PDE10A: variants seen among roughly 807,000 people sequenced by gnomAD.
PDE10A encodes cAMP and cAMP-inhibited cGMP 3',5'-cyclic phosphodiesterase 10A.
In PDE10A, 39 loss-of-function variants were observed where a neutral mutation model predicts 97.7. The ratio of observed to expected loss-of-function variants is 0.40; its 90% CI spans 0.31 to 0.52. The LOEUF (loss-of-function observed/expected upper bound fraction) is 0.52, where lower values mean the gene tolerates loss of function less well. Among genes scored for constraint, PDE10A ranks in the 20% least tolerant of loss-of-function variants. PDE10A has a pLI of 0.56. For missense variants in PDE10A, 731 were observed against 1,047.8 expected (o/e 0.70, Z 4.17); for synonymous variants, 371 against 376.8 (o/e 0.98, Z 0.18).
intron 18 of PDE10A, among the ~76,000 whole-genome samples, chr6:165,358,381 G>A (rs1242225011): frequency 2.0e-5 from 3 of 151,846 alleles, no homozygotes; most frequent in Admixed American, 6.6e-5. Flanking sequence ...TTGTTATTAG[G>A]TGCATGTACA....
intron 3 of PDE10A, among the ~76,000 whole-genome samples, chr6:165,480,097 C>T (rs1382066036): frequency 6.6e-6 from 1 of 152,106 alleles, no homozygotes; most frequent in Admixed American, 6.5e-5. Context: ...TATAGTTTGT[C>T]CAAAGACTGT....
At chr6:165,572,257 T>C (rs754572580) in intron 1 of PDE10A, among the ~76,000 whole-genome samples, 3 of 152,232 alleles carry the variant, frequency 2.0e-5, no homozygotes, top group Non-Finnish European at 2.9e-5. Flanking sequence ...CGAAGACGAC[T>C]ACCAAGGTAC....
chr6:165,517,949 T>C (rs542188745), intron 2 of PDE10A, among the ~76,000 whole-genome samples: 2 of 152,366 alleles, frequency 1.3e-5, no homozygotes, highest in East Asian at 1.9e-4. Flanking sequence ...ATCATTCCTA[T>C]GAAGTTGGTT....
At chr6:165,889,589 C>T (rs34862806) in intron 1 of PDE10A, among the ~76,000 whole-genome samples, 8,388 of 152,194 alleles carry the variant, frequency 0.055, 358 homozygotes, top group South Asian at 0.13. Flanking sequence ...TCCAGGCACA[C>T]GTTAGAAAAT....
chr6:165,692,681 T>G (rs1791335132), intron 1 of PDE10A, among the ~76,000 whole-genome samples: 1 of 152,244 alleles, frequency 6.6e-6, no homozygotes, highest in African/African-American at 2.4e-5. Context: ...ACGCATGCTG[T>G]ACACAGACAT....
chr6:165,514,415 G>T (rs1781674426), intron 2 of PDE10A, among the ~76,000 whole-genome samples: 1 of 152,188 alleles, frequency 6.6e-6, no homozygotes, highest in South Asian at 2.1e-4. Flanking sequence ...GGCAGTGTTT[G>T]CTGTGGGAAG....
At chr6:165,969,197 A>G (rs531395029) in intron 1 of PDE10A, among the ~76,000 whole-genome samples, 2 of 152,366 alleles carry the variant, frequency 1.3e-5, no homozygotes, top group South Asian at 4.1e-4. Flanking sequence ...TATGAAGAAC[A>G]AATGTAAGTA....
At chr6:165,539,866 C>T (rs909956866) in intron 2 of PDE10A, among the ~76,000 whole-genome samples, 1 of 152,088 alleles carries the variant, frequency 6.6e-6, no homozygotes, top group African/African-American at 2.4e-5. Flanking sequence ...GCGGAGGTTG[C>T]AGTGAGCCGA....
chr6:165,524,339 G>A (rs1782300338), intron 2 of PDE10A, among the ~76,000 whole-genome samples: 1 of 152,114 alleles, frequency 6.6e-6, no homozygotes, highest in Non-Finnish European at 1.5e-5. Context: ...GGAGTTGGCT[G>A]CTTAATATGA....
chr6:165,907,232 C>A (rs912707422), intron 1 of PDE10A, among the ~76,000 whole-genome samples: 1 of 152,212 alleles, frequency 6.6e-6, no homozygotes, highest in East Asian at 1.9e-4. Flanking sequence ...GCAGGCCTGC[C>A]GCCGTGGTTG....
intron 17 of PDE10A, among the ~76,000 whole-genome samples, chr6:165,387,550 C>G (rs1396857379): frequency 6.6e-6 from 1 of 152,226 alleles, no homozygotes; most frequent in Non-Finnish European, 1.5e-5. Flanking sequence ...CTGGCAGAGT[C>G]ACTGCTGGCA....
In PDE10A at chr6:165,700,719, C is replaced by T. The variant is rs541739318; in HGVS notation, c.-614-157151G>A. On this transcript the variant is annotated intron_variant, in intron 1 of 19. Coordinates refer to the PDE10A transcript ENST00000366882. Reference sequence around the variant, plus strand: ...ACAGAAGTATTGCACCACAAGGCTACCTTCCATTTTTGAATAGCATTTATG... The same window carrying T: ...ACAGAAGTATTGCACCACAAGGCTATCTTCCATTTTTGAATAGCATTTATG... Among the ~76,000 whole-genome samples the T allele has an allele frequency of 2.6e-5, 4 of 152,316 alleles. No individual in the cohort carries two copies. In the South Asian group the frequency reaches 8.3e-4, roughly 32 times the overall value.
intron 2 of PDE10A, among the ~76,000 whole-genome samples, chr6:165,493,446 G>A (rs1002637743): frequency 2.0e-5 from 3 of 152,004 alleles, no homozygotes; most frequent in Non-Finnish European, 2.9e-5. Context: ...ATACTATAAG[G>A]CCAAAGTCCT....
rs1778049408 is a variant in PDE10A at position 165,772,742 on chromosome 6, A to AT, written c.-615+214786dup. ...AAGTGAGGAAAGTTTATGCCCGTTG[A>AT]TTTGGGGGCGGGGTGGGGGAGCAAG... On this transcript the variant is annotated intron_variant, in intron 1 of 19. Transcript: ENST00000366882. Among the ~76,000 whole-genome samples, 4 of 152,068 alleles carry AT rather than the reference A, an allele frequency of 2.6e-5. No homozygotes were observed. The South Asian group carries it at 8.3e-4, about 32-fold the overall frequency.
chr6:165,609,536 G>C (rs567288616), intron 1 of PDE10A, among the ~76,000 whole-genome samples: 1 of 152,108 alleles, frequency 6.6e-6, no homozygotes, highest in South Asian at 2.1e-4. Context: ...AGAAATAAAG[G>C]GTATTCAAGC....
chr6:165,750,052 G>C (rs1221372855), intron 1 of PDE10A, among the ~76,000 whole-genome samples: 1 of 152,116 alleles, frequency 6.6e-6, no homozygotes, highest in Non-Finnish European at 1.5e-5. Context: ...TTGAACAGGG[G>C]GTATGTGAGG....
At chr6:165,778,068 T>G (rs977541824) in intron 1 of PDE10A, among the ~76,000 whole-genome samples, 1 of 152,172 alleles carries the variant, frequency 6.6e-6, no homozygotes, top group African/African-American at 2.4e-5. Flanking sequence ...TTATTTTCAA[T>G]TTTTAATTTT....
At chr6:165,774,925 T>C (rs765311549) in intron 1 of PDE10A, 4 of 150,174 alleles carry the variant, frequency 2.7e-5, no homozygotes, top group Non-Finnish European at 5.9e-5. Flanking sequence ...GCTCTGAATA[T>C]GATATGGAGG....
intron 1 of PDE10A, among the ~76,000 whole-genome samples, chr6:165,827,513 G>A (rs527247342): frequency 1.4e-4 from 22 of 152,334 alleles, no homozygotes; most frequent in African/African-American, 5.1e-4. Context: ...GGAAACCAAA[G>A]CTAAACCCAC....
Sources: allele counts gnomAD v4.1 joint callset (sites outside exome capture counted in the v4.1 genomes callset), GRCh38; gene constraint gnomAD v4.1.1; transcripts MANE v1.5; gene names NCBI Gene and HGNC (gene_info 2026-07-23, HGNC 2026-07-21).